SLC39A9: variants seen among roughly 807,000 people sequenced by gnomAD.
The protein encoded by SLC39A9 is zinc transporter ZIP9.
In SLC39A9, 14 loss-of-function variants were observed where a neutral mutation model predicts 28.4. The ratio of observed to expected loss-of-function variants is 0.49; its 90% CI spans 0.33 to 0.77. The LOEUF is 0.77. SLC39A9 is among the 30% of genes least tolerant of loss of function. The pLI, the probability that SLC39A9 is intolerant of heterozygous loss-of-function variation, is 0.02. For missense variants in SLC39A9, 283 were observed against 381.1 expected, an observed-to-expected ratio of 0.74 and a Z score of 2.14; for synonymous variants, 119 against 149.6, an observed-to-expected ratio of 0.80 and a Z score of 1.49.
intron 2 of SLC39A9, chr14:69,429,441 G>T (rs2140281245): frequency 6.6e-6 from 1 of 152,080 alleles, no homozygotes; most frequent in Non-Finnish European, 1.5e-5. Context: ...GTGGTTCCTG[G>T]TTTGGGTGAC....
chr14:69,425,739 C>A (rs1594922416), intron 2 of SLC39A9, among the ~76,000 whole-genome samples: 1 of 151,948 alleles, frequency 6.6e-6, no homozygotes, highest in Non-Finnish European at 1.5e-5. Flanking sequence ...GCCATCACAG[C>A]TGAAATCTCT....
At chr14:69,409,647 A>G (rs1274562554) in intron 1 of SLC39A9, among the ~76,000 whole-genome samples, 1 of 152,212 alleles carries the variant, frequency 6.6e-6, no homozygotes, top group African/African-American at 2.4e-5. Flanking sequence ...TGCCTTGGGC[A>G]TTTTAAAAAA....
chr14:69,412,346 G>A (rs950434382), intron 1 of SLC39A9, among the ~76,000 whole-genome samples: 23 of 151,190 alleles, frequency 1.5e-4, no homozygotes, highest in African/African-American at 5.1e-4. Context: ...CCAAGATCAC[G>A]CCACTGCACT....
At position 69,399,151 on chromosome 14, in the gene SLC39A9, C is replaced by T. The variant is rs573828357; in HGVS notation, c.-219C>T. ...ACCCAGAGCCTGGGACCTTAGATTG[C>T]TGTAAGCTTTCTCTGGTGCTAATAT... On this transcript the variant is annotated 5_prime_UTR_variant, in exon 1 of 7. Coordinates refer to ENST00000336643, the MANE Select transcript of SLC39A9 (RefSeq NM_018375.5). The T allele has an allele frequency of 7.5e-6, 4 of 536,034 alleles. No individual in the cohort carries two copies. Among genetic ancestry groups the T allele is most frequent in the African/African-American group, 2.0e-5 (1 of 50,384 alleles). 33.2% of individuals were successfully genotyped at this position (536,034 alleles called of 1,614,324 possible).
chr14:69,457,186 A>T (rs113164473), intron 6 of SLC39A9, among the ~76,000 whole-genome samples: 3 of 148,112 alleles, frequency 2.0e-5, no homozygotes, highest in Non-Finnish European at 4.5e-5. Context: ...ATATATATAC[A>T]CACACACACA....
At chr14:69,410,914 A>G (rs1022467898) in intron 1 of SLC39A9, among the ~76,000 whole-genome samples, 1 of 151,966 alleles carries the variant, frequency 6.6e-6, no homozygotes, top group African/African-American at 2.4e-5. Context: ...TGTTTTCCGT[A>G]TCAAAAGCTT....
At chr14:69,419,945 T>G (rs1174207425) in intron 1 of SLC39A9, among the ~76,000 whole-genome samples, 1 of 152,212 alleles carries the variant, frequency 6.6e-6, no homozygotes, top group Non-Finnish European at 1.5e-5. Context: ...TCTTAACTCT[T>G]TATTCAATTT....
At chr14:69,436,338 G>A (rs1884750247) in intron 2 of SLC39A9, among the ~76,000 whole-genome samples, 2 of 152,160 alleles carry the variant, frequency 1.3e-5, no homozygotes, top group Non-Finnish European at 2.9e-5. Flanking sequence ...TCCAGTATCT[G>A]AGTGATCTGT....
At chr14:69,451,568 C>T (rs902592119) in intron 3 of SLC39A9, among the ~76,000 whole-genome samples, 4 of 152,172 alleles carry the variant, frequency 2.6e-5, no homozygotes, top group African/African-American at 9.7e-5. Flanking sequence ...TTAGCATTTA[C>T]AGTCCATCTG....
rs77238732 is a variant in SLC39A9 at position 69,443,270 on chromosome 14, C to A, written c.403+1004C>A. On this transcript the variant is annotated intron_variant, in intron 3 of 6. Transcript: ENST00000336643. ...TTTGCAGATAGGAAATATTGGAAAG[C>A]AGCATAAGTATCTTGGTCCCCAATG... 4.1e-3 allele frequency among the ~76,000 whole-genome samples: 619 copies of A among 152,300 alleles called. 6 individuals are homozygous for A. The highest frequency in any genetic ancestry group is 0.014 in the African/African-American group (596 of 41,562).
intron 2 of SLC39A9, among the ~76,000 whole-genome samples, chr14:69,440,743 G>A (rs905147636): frequency 2.0e-5 from 3 of 152,038 alleles, no homozygotes; most frequent in Non-Finnish European, 2.9e-5. Context: ...GCGTGATCTC[G>A]GCTCACTGCA....
chr14:69,448,200 G>A (rs1885431614), intron 3 of SLC39A9, among the ~76,000 whole-genome samples: 1 of 109,222 alleles, frequency 9.2e-6, no homozygotes, highest in Non-Finnish European at 1.7e-5. Context: ...GGGCAACAAA[G>A]TGAGACTCTG....
intron 1 of SLC39A9, among the ~76,000 whole-genome samples, chr14:69,413,898 C>A (rs1237032718): frequency 6.6e-6 from 1 of 151,994 alleles, no homozygotes; most frequent in Non-Finnish European, 1.5e-5. Flanking sequence ...GAGAGAAAAT[C>A]ATTTTTTATA....
intron 1 of SLC39A9, among the ~76,000 whole-genome samples, chr14:69,412,904 T>C (rs1444782905): frequency 1.3e-5 from 2 of 152,234 alleles, no homozygotes; most frequent in Non-Finnish European, 2.9e-5. Context: ...AAGGAAATAC[T>C]GCAAAGCTAG....
intron 3 of SLC39A9, among the ~76,000 whole-genome samples, chr14:69,443,911 C>T (rs34621266): frequency 0.13 from 19,021 of 151,330 alleles, 1,313 homozygotes; most frequent in East Asian, 0.18. Flanking sequence ...TGTGGCCAAG[C>T]GTGGTGGCTC....
chr14:69,453,519 G>T (rs1454941444), intron 4 of SLC39A9, among the ~76,000 whole-genome samples: 2 of 150,802 alleles, frequency 1.3e-5, no homozygotes, highest in African/African-American at 2.4e-5. Flanking sequence ...CTTTTTAATG[G>T]TTTAAAAAAA....
intron 2 of SLC39A9, 127 bp from the exon 3 acceptor site, chr14:69,441,942 C>T: frequency 7.0e-7 from 1 of 1,430,730 alleles, no homozygotes; most frequent in Non-Finnish European, 9.1e-7. Flanking sequence ...GGCTGGATTA[C>T]AATATAAAAA....
At chr14:69,406,330 A>G (rs1213996895) in intron 1 of SLC39A9, among the ~76,000 whole-genome samples, 4 of 152,256 alleles carry the variant, frequency 2.6e-5, no homozygotes, top group Admixed American at 2.6e-4. Context: ...TGAACTATCC[A>G]AGATGAATTT....
intron 1 of SLC39A9, among the ~76,000 whole-genome samples, chr14:69,406,685 T>TAA (rs1200169340): frequency 2.8e-3 from 376 of 133,112 alleles, no homozygotes; most frequent in African/African-American, 4.6e-3. Flanking sequence ...GAGACTGTCT[T>TAA]AAAAAAAAAA....
Sources: gnomAD v4.1 joint callset for allele counts (sites outside exome capture counted in the v4.1 genomes callset) on GRCh38, gnomAD v4.1.1 for gene constraint, MANE v1.5 for transcripts, NCBI Gene and HGNC (gene_info 2026-07-23, HGNC 2026-07-21) for gene names.